Variants in CUL3 observed in about 807,000 individuals in gnomAD.
The protein encoded by CUL3 is cullin 3, also known as cullin-3.
In CUL3, 19 loss-of-function variants were observed where a neutral mutation model predicts 89.1. That is an observed-to-expected ratio of 0.21 (90% CI 0.15 to 0.31). CUL3 has a LOEUF of 0.31. Ranked by LOEUF, CUL3 falls within the 10% of genes least tolerant of loss-of-function variation. CUL3 has a pLI of 1.00. For synonymous variants in CUL3, 351 were observed against 308.4 expected (o/e 1.14, Z -1.45); for missense variants, 469 against 942.3 (o/e 0.50, Z 6.58).
At chr2:224,569,326 C>T (rs923742739) in intron 1 of CUL3, among the ~76,000 whole-genome samples, 11 of 152,028 alleles carry the variant, frequency 7.2e-5, no homozygotes. Context: ...AGGACCCTTC[C>T]CCAAGAAGGC....
chr2:224,572,335 C>T (rs1695198705), intron 1 of CUL3, among the ~76,000 whole-genome samples: 1 of 152,068 alleles, frequency 6.6e-6, no homozygotes. Flanking sequence ...ATTTAATCAT[C>T]AATTTAACAG....
intron 13 of CUL3, 107 bp downstream of exon 13, chr2:224,495,725 A>G (rs1163071949): frequency 2.3e-6 from 2 of 887,486 alleles, no homozygotes; most frequent in Non-Finnish European, 3.4e-6. Flanking sequence ...GTTTTCTCTA[A>G]AAGTACCCAA....
intron 2 of CUL3, among the ~76,000 whole-genome samples, chr2:224,546,672 G>GC (rs952470443): frequency 6.7e-6 from 1 of 149,216 alleles, no homozygotes; most frequent in Non-Finnish European, 1.5e-5. Context: ...TAGGATGGGG[G>GC]GGGGTACTTG....
chr2:224,538,235 C>T (rs1693964573), intron 2 of CUL3, among the ~76,000 whole-genome samples: 1 of 152,126 alleles, frequency 6.6e-6, no homozygotes, highest in African/African-American at 2.4e-5. Flanking sequence ...ATTCAGATTA[C>T]TCTATGAACA....
chr2:224,544,833 T>C (rs1254637171), intron 2 of CUL3, among the ~76,000 whole-genome samples: 1 of 151,066 alleles, frequency 6.6e-6, no homozygotes, highest in Non-Finnish European at 1.5e-5. Flanking sequence ...AAAAGCTTCA[T>C]GGCTCTTTCC....
At position 224,500,330 on chromosome 2, in the gene CUL3, T is replaced by C. The variant is rs372600420; in HGVS notation, c.1610+33A>G. On this transcript the variant is annotated intron_variant, in intron 11 of 15. Coordinates refer to ENST00000264414, the MANE Select transcript of CUL3 (RefSeq NM_003590.5). ...ATTTTTAATTTTGAACACTTACTTG[T>C]ACACAGTGATACAAAGTCTGATTTT... is the stretch of plus-strand genomic sequence containing the variant. 1.5e-5 allele frequency: 24 copies of C among 1,610,662 alleles called. 1 individual carries two copies. In the African/African-American group the frequency reaches 2.7e-4, roughly 18 times the overall value.
chr2:224,579,376 T>C (rs1250260091), intron 1 of CUL3, among the ~76,000 whole-genome samples: 1 of 151,996 alleles, frequency 6.6e-6, no homozygotes, highest in Non-Finnish European at 1.5e-5. Flanking sequence ...TATGTACCAG[T>C]CCAGGTAGTA....
intron 1 of CUL3, among the ~76,000 whole-genome samples, chr2:224,566,385 G>A (rs926018698): frequency 2.0e-5 from 3 of 152,200 alleles, no homozygotes; most frequent in Non-Finnish European, 4.4e-5. Flanking sequence ...AGTCAGCCAT[G>A]ATCAAAAACC....
intron 9 of CUL3, among the ~76,000 whole-genome samples, chr2:224,503,429 T>C (rs185892879): frequency 7.4e-4 from 112 of 152,352 alleles, no homozygotes; most frequent in Admixed American, 3.9e-3. Context: ...CAGGCCTCCA[T>C]GAATGTATCC....
chr2:224,554,749 T>C (rs891993460), intron 2 of CUL3, among the ~76,000 whole-genome samples: 10 of 152,208 alleles, frequency 6.6e-5, no homozygotes, highest in Non-Finnish European at 1.2e-4. Context: ...TATCATTCCC[T>C]ATAGAACCTC....
chr2:224,497,938 G>T, intron 11 of CUL3, 89 bp from the exon 12 acceptor site: 3 of 574,298 alleles, frequency 5.2e-6, no homozygotes, highest in Non-Finnish European at 2.9e-6. Flanking sequence ...TTAAACATTT[G>T]TGTGTGTGTG....
intron 10 of CUL3, among the ~76,000 whole-genome samples, chr2:224,501,289 C>G (rs899335974): frequency 2.2e-4 from 33 of 152,222 alleles, no homozygotes; most frequent in African/African-American, 7.5e-4. Context: ...ACAACCTCTG[C>G]ATACAGATCC....
At chr2:224,551,995 A>C (rs1259782169) in intron 2 of CUL3, among the ~76,000 whole-genome samples, 1 of 152,152 alleles carries the variant, frequency 6.6e-6, no homozygotes, top group East Asian at 1.9e-4. Flanking sequence ...TTTTATAACT[A>C]AATACTTGTT....
intron 13 of CUL3, among the ~76,000 whole-genome samples, chr2:224,490,582 A>T (rs928302783): frequency 2.0e-5 from 3 of 151,998 alleles, no homozygotes; most frequent in African/African-American, 7.3e-5. Context: ...TCTCCGCACA[A>T]GGGGAGAAAA....
chr2:224,552,583 T>TA (rs1435196357), intron 2 of CUL3, among the ~76,000 whole-genome samples: 1 of 152,210 alleles, frequency 6.6e-6, no homozygotes, highest in Admixed American at 6.5e-5. Flanking sequence ...TGCTGTCTGG[T>TA]AGTCTGTGTT....
At chr2:224,574,212 A>G (rs917385606) in intron 1 of CUL3, among the ~76,000 whole-genome samples, 1 of 152,188 alleles carries the variant, frequency 6.6e-6, no homozygotes, top group Admixed American at 6.5e-5. Context: ...CAGCAGTAAC[A>G]TTTCTCATTT....
intron 1 of CUL3, among the ~76,000 whole-genome samples, chr2:224,566,655 C>T (rs1695047156): frequency 6.6e-6 from 1 of 152,202 alleles, no homozygotes; most frequent in African/African-American, 2.4e-5. Flanking sequence ...TTAAGCCAAA[C>T]TTCTTTCTAA....
chr2:224,541,989 T>C (rs775498980), intron 2 of CUL3, among the ~76,000 whole-genome samples: 7 of 152,204 alleles, frequency 4.6e-5, no homozygotes, highest in African/African-American at 7.2e-5. Flanking sequence ...CATGAATCTT[T>C]ATGTGTGCTG....
At chr2:224,547,312 A>G (rs571012653) in intron 2 of CUL3, among the ~76,000 whole-genome samples, 4 of 152,268 alleles carry the variant, frequency 2.6e-5, no homozygotes, top group Non-Finnish European at 5.9e-5. Context: ...GCTTTTGTTC[A>G]TCCTTATGAA....
Sources: allele counts gnomAD v4.1 joint callset (sites outside exome capture counted in the v4.1 genomes callset), GRCh38; gene constraint gnomAD v4.1.1; transcripts MANE v1.5; gene names NCBI Gene and HGNC (gene_info 2026-07-23, HGNC 2026-07-21).